Variants in FAM120B observed in about 807,000 individuals in gnomAD.
FAM120B encodes constitutive coactivator of peroxisome proliferator-activated receptor gamma.
A neutral mutation model predicts 96.3 loss-of-function variants in FAM120B; 83 were observed. The ratio of observed to expected loss-of-function variants is 0.86; its 90% CI spans 0.72 to 1.03. The LOEUF is 1.03. Ranked by LOEUF, FAM120B falls within the 50% of genes least tolerant of loss-of-function variation. The pLI, the probability that FAM120B is intolerant of heterozygous loss-of-function variation, is 0.00. For missense variants in FAM120B, 1,027 were observed against 1,121.2 expected, an observed-to-expected ratio of 0.92 and a Z score of 1.20; for synonymous variants, 407 against 402.7, an observed-to-expected ratio of 1.01 and a Z score of -0.13.
chr6:170,297,301 C>G (rs1030666137), intron 1 of FAM120B, among the ~76,000 whole-genome samples: 1 of 152,176 alleles, frequency 6.6e-6, no homozygotes. Context: ...CTTTCGAACG[C>G]GCCGTGCTTC....
chr6:170,377,864 G>A lies in FAM120B; in HGVS notation c.2284-10423G>A, dbSNP rs375295943. ...TCCCTAATCCCAGATGCCTGGGAGA[G>A]CACCGGCTCACGCTGCTCGGTGCTG... is the stretch of plus-strand genomic sequence containing the variant. On this transcript the variant is annotated intron_variant, in intron 6 of 10. Coordinates refer to ENST00000476287, the MANE Select transcript of FAM120B (RefSeq NM_032448.3). Among the ~76,000 whole-genome samples, 177 of 54,058 alleles carry A rather than the reference G, an allele frequency of 3.3e-3. No homozygotes were observed. The East Asian group carries it at 0.046, about 14-fold the overall frequency. The allele number at this position is 54,058 out of a possible 152,430, so 35.5% of individuals were successfully genotyped here. A position where few individuals can be genotyped will look rare whatever the true frequency, so the allele number is the denominator to read the frequency against.
chr6:170,310,201 T>C (rs1384635122), intron 1 of FAM120B, among the ~76,000 whole-genome samples: 1 of 152,242 alleles, frequency 6.6e-6, no homozygotes, highest in Admixed American at 6.5e-5. Flanking sequence ...GTAAGTTGTT[T>C]ATGCTGCATC....
intron 6 of FAM120B, among the ~76,000 whole-genome samples, chr6:170,380,515 T>C (rs187786899): frequency 2.6e-5 from 4 of 152,326 alleles, no homozygotes; most frequent in South Asian, 2.1e-4. Context: ...CCAGCACTTA[T>C]CTCTTGTCTT....
intron 5 of FAM120B, among the ~76,000 whole-genome samples, chr6:170,351,239 A>C (rs147665148): frequency 9.3e-4 from 142 of 152,348 alleles, no homozygotes; most frequent in African/African-American, 3.2e-3. Context: ...GGCAGACAAG[A>C]ATAGAGACAA....
At chr6:170,383,576 A>T (rs1790034756) in intron 6 of FAM120B, among the ~76,000 whole-genome samples, 1 of 152,218 alleles carries the variant, frequency 6.6e-6, no homozygotes, top group Non-Finnish European at 1.5e-5. Flanking sequence ...AGGGAAATGC[A>T]AATTAAAACC....
At chr6:170,377,803 A>G (rs1466671524) in intron 6 of FAM120B, among the ~76,000 whole-genome samples, 58 of 114,966 alleles carry the variant, frequency 5.0e-4, no homozygotes, top group South Asian at 1.0e-3. Context: ...GCCTGGGAGA[A>G]CACAGGCTCA....
chr6:170,389,421 T>C (rs1485863300), intron 7 of FAM120B, among the ~76,000 whole-genome samples: 3 of 152,184 alleles, frequency 2.0e-5, no homozygotes, highest in Non-Finnish European at 4.4e-5. Flanking sequence ...AATTCTTAAA[T>C]AGGATTCAGG....
At chr6:170,327,341 C>T (rs964962502) in intron 3 of FAM120B, among the ~76,000 whole-genome samples, 5 of 152,084 alleles carry the variant, frequency 3.3e-5, no homozygotes, top group African/African-American at 7.2e-5. Flanking sequence ...CCACCGCGCC[C>T]GGCCAACTTG....
intron 5 of FAM120B, among the ~76,000 whole-genome samples, chr6:170,357,162 G>A (rs1242943369): frequency 1.3e-5 from 2 of 152,104 alleles, no homozygotes; most frequent in African/African-American, 4.8e-5. Flanking sequence ...CTTTTTCCGC[G>A]AGCCTTTACT....
At chr6:170,336,227 A>T (rs1786410051) in intron 4 of FAM120B, among the ~76,000 whole-genome samples, 1 of 152,102 alleles carries the variant, frequency 6.6e-6, no homozygotes, top group Non-Finnish European at 1.5e-5. Context: ...TTTTTGTATA[A>T]GGTATAAGGA....
chr6:170,312,384 A>T (rs144496550), intron 1 of FAM120B, among the ~76,000 whole-genome samples: 1 of 152,332 alleles, frequency 6.6e-6, no homozygotes, highest in African/African-American at 2.4e-5. Flanking sequence ...AAGAATTTTG[A>T]CATATTGGGC....
At chr6:170,378,910 G>A (rs1187657900) in intron 6 of FAM120B, among the ~76,000 whole-genome samples, 1 of 152,258 alleles carries the variant, frequency 6.6e-6, no homozygotes, top group African/African-American at 2.4e-5. Context: ...TGAGAAGAGC[G>A]TGCTAAGTAG....
intron 6 of FAM120B, among the ~76,000 whole-genome samples, chr6:170,362,803 T>C (rs945269958): frequency 6.6e-6 from 1 of 151,842 alleles, no homozygotes; most frequent in African/African-American, 2.4e-5. Context: ...CACCTCAGCC[T>C]TCCTAGTAGT....
At position 170,358,212 on chromosome 6, in the gene FAM120B, T is replaced by C. The variant is rs372650193; in HGVS notation, c.2191-14T>C. ...TCCTGTAGCCTAACACTGGCCTTTC[T>C]CTGTCCTTTTCAGGTGGACACGCTT... is the stretch of plus-strand genomic sequence containing the variant. On this transcript the variant is annotated splice_polypyrimidine_tract_variant and intron_variant, in intron 5 of 10. Coordinates refer to ENST00000476287, the MANE Select transcript of FAM120B (RefSeq NM_032448.3). 1.7e-5 allele frequency: 27 copies of C among 1,582,680 alleles called. No homozygotes were observed. Among genetic ancestry groups the C allele is most frequent in the Non-Finnish European group, 2.3e-5 (27 of 1,156,268 alleles).
chr6:170,291,147 C>G (rs977649581), upstream of FAM120B: 1 of 537,010 alleles, frequency 1.9e-6, no homozygotes, highest in African/African-American at 1.9e-5. Flanking sequence ...TCCCCTGCCC[C>G]CGCCCCCAGC....
chr6:170,394,858 G>A (rs1197333107), intron 8 of FAM120B, among the ~76,000 whole-genome samples: 2 of 152,252 alleles, frequency 1.3e-5, no homozygotes, highest in Non-Finnish European at 1.5e-5. Flanking sequence ...CCCACCTCGC[G>A]GATGCTTCCA....
intron 6 of FAM120B, among the ~76,000 whole-genome samples, chr6:170,362,584 T>C (rs776840935): frequency 6.6e-6 from 1 of 152,130 alleles, no homozygotes; most frequent in South Asian, 2.1e-4. Context: ...CTGCCGTGGG[T>C]CCAGGCCCAG....
chr6:170,398,863 G>A (rs1778367907), intron 9 of FAM120B, among the ~76,000 whole-genome samples: 1 of 151,458 alleles, frequency 6.6e-6, no homozygotes, highest in African/African-American at 2.4e-5. Context: ...GAAGTGAGTG[G>A]GAAAGGTAGA....
At chr6:170,376,072 TGAA>T (rs1364908291) in intron 6 of FAM120B, among the ~76,000 whole-genome samples, 1 of 152,024 alleles carries the variant, frequency 6.6e-6, no homozygotes, top group Non-Finnish European at 1.5e-5. Context: ...GAGGTGGAGA[TGAA>T]GAGAGAGATG....
Sources: allele counts gnomAD v4.1 joint callset (sites outside exome capture counted in the v4.1 genomes callset), GRCh38; gene constraint gnomAD v4.1.1; transcripts MANE v1.5; gene names NCBI Gene and HGNC (gene_info 2026-07-23, HGNC 2026-07-21).